PHLDB2: variants seen among roughly 807,000 people sequenced by gnomAD.
The protein encoded by PHLDB2 is pleckstrin homology-like domain family B member 2.
In PHLDB2, 71 loss-of-function variants were observed where a neutral mutation model predicts 123.6. That is an observed-to-expected ratio of 0.57 (90% CI 0.47 to 0.70). PHLDB2 has a LOEUF of 0.70. Ranked by LOEUF, PHLDB2 falls within the 30% of genes least tolerant of loss-of-function variation. The probability of loss-of-function intolerance (pLI) is 0.00; values close to 1 mark genes in which losing one functional copy is unlikely to be tolerated. For synonymous variants in PHLDB2, 547 were observed against 541.6 expected, an observed-to-expected ratio of 1.01 and a Z score of -0.14; for missense variants, 1,446 against 1,519.5, an observed-to-expected ratio of 0.95 and a Z score of 0.80.
Position 111,831,034 on chromosome 3 carries a change from G to GAAAGAAAGAAAGAAAGAAAGAAAGA in PHLDB2, c.-48-14785_-48-14784insAGAAAGAAAGAAAGAAAGAAAGAAA, listed in dbSNP as rs1559855393. ...GAAAGAAAGAAAGAAAGAAAGAAAG[G>GAAAGAAAGAAAGAAAGAAAGAAAGA]AAGGAAGGAAGAAAGAGAAAAGAGA... On this transcript the variant is annotated intron_variant, in intron 1 of 17. Coordinates refer to the PHLDB2 transcript ENST00000393923. Among the ~76,000 whole-genome samples the GAAAGAAAGAAAGAAAGAAAGAAAGA allele has an allele frequency of 3.0e-4, 14 of 46,172 alleles. 2 individuals are homozygous for GAAAGAAAGAAAGAAAGAAAGAAAGA. Among genetic ancestry groups the GAAAGAAAGAAAGAAAGAAAGAAAGA allele is most frequent in the East Asian group, 2.1e-3 (4 of 1,908 alleles). 30.3% of individuals were successfully genotyped at this position (46,172 alleles called of 152,430 possible).
At chr3:111,792,426 C>A (rs927357969) in intron 1 of PHLDB2, among the ~76,000 whole-genome samples, 1 of 152,262 alleles carries the variant, frequency 6.6e-6, no homozygotes, top group South Asian at 2.1e-4. Context: ...GATCTGAGCA[C>A]CAGGCATGGT....
intron 2 of PHLDB2, chr3:111,846,119 A>G (rs2063973137): frequency 1.7e-6 from 1 of 590,114 alleles, no homozygotes; most frequent in Non-Finnish European, 3.0e-6. Flanking sequence ...ACAGGCCACC[A>G]TATCTTACTT....
At chr3:111,859,884 T>C (rs2064726965) in intron 1 of PHLDB2, 1 of 982,568 alleles carries the variant, frequency 1.0e-6, no homozygotes, top group Non-Finnish European at 1.2e-6. Flanking sequence ...AGACGGTGAG[T>C]GGGCTCCGGG....
chr3:111,809,782 T>C (rs2108323770), intron 1 of PHLDB2, among the ~76,000 whole-genome samples: 1 of 152,350 alleles, frequency 6.6e-6, no homozygotes, highest in Middle Eastern at 3.4e-3. Flanking sequence ...CAGTCACTTG[T>C]AAAGGTTTGA....
At chr3:111,920,506 G>T (rs937551) in intron 5 of PHLDB2, 87 bp downstream of exon 5, 1,298,028 of 1,471,088 alleles carry the variant, frequency 0.88, 573,895 homozygotes, top group East Asian at 0.93. Flanking sequence ...TGCATTACTG[G>T]GGTTTTGGAT....
chr3:111,869,137 T>C (rs1039895910), intron 1 of PHLDB2, among the ~76,000 whole-genome samples: 4 of 152,172 alleles, frequency 2.6e-5, no homozygotes, highest in Admixed American at 2.0e-4. Flanking sequence ...TTTAGGAACC[T>C]TCGAATACCA....
intron 1 of PHLDB2, among the ~76,000 whole-genome samples, chr3:111,816,467 A>G (rs1367665781): frequency 6.6e-6 from 1 of 152,122 alleles, no homozygotes; most frequent in Non-Finnish European, 1.5e-5. Flanking sequence ...GTGAAAGGAG[A>G]TTATTTTGGA....
intron 13 of PHLDB2, among the ~76,000 whole-genome samples, chr3:111,963,654 C>G (rs1411654395): frequency 6.6e-6 from 1 of 152,158 alleles, no homozygotes; most frequent in African/African-American, 2.4e-5. Context: ...GTAATCCTAT[C>G]ATCCTACAAA....
At chr3:111,957,309 C>T (rs1426115374) in intron 12 of PHLDB2, 1 of 152,624 alleles carries the variant, frequency 6.6e-6, no homozygotes, top group Non-Finnish European at 1.5e-5. Flanking sequence ...AGGTCATTGT[C>T]AAGTCATGTT....
intron 1 of PHLDB2, among the ~76,000 whole-genome samples, chr3:111,736,153 A>ACAATAG (rs1941682478): frequency 6.6e-6 from 1 of 152,122 alleles, no homozygotes; most frequent in Non-Finnish European, 1.5e-5. Context: ...ATGCACACAC[A>ACAATAG]CAATAGCAAT....
chr3:111,768,481 G>T (rs2060119979), intron 1 of PHLDB2, among the ~76,000 whole-genome samples: 1 of 152,158 alleles, frequency 6.6e-6, no homozygotes, highest in Non-Finnish European at 1.5e-5. Flanking sequence ...ACTATGGCCT[G>T]CAGAGGAGCT....
chr3:111,814,812 C>T (rs1559845783), intron 1 of PHLDB2, among the ~76,000 whole-genome samples: 2 of 152,088 alleles, frequency 1.3e-5, no homozygotes, highest in African/African-American at 4.8e-5. Context: ...TAACAACCCA[C>T]TCTCTCAGAA....
Position 111,967,770 on chromosome 3 carries a change from G to C in PHLDB2, c.3261G>C (p.Gln1087His), listed in dbSNP as rs1449041701. 1 of 1,612,880 alleles carries C rather than the reference G, an allele frequency of 6.2e-7. No homozygotes were observed. The highest frequency in any genetic ancestry group is 1.3e-5 in the African/African-American group (1 of 74,792). The change falls in exon 15 of 18, where the codon CAG (glutamine) becomes CAC (histidine). Residue 1087 changes from glutamine (Q) to histidine (H), a missense_variant. Physicochemically the swap from Gln to His is conservative, Grantham distance 24. This residue lies in a region of PHLDB2 where 594 missense variants were observed against 646.0 expected (regional missense o/e 0.92). Transcript: ENST00000431670. ...AACGATTACAGGAAGAAACTAGCCA[G>C]AGGCAGAAGTTAATAGAAAAGGAAG... ...LEKRLQEETS[Q>H]RQKLIEKEVK...
chr3:111,882,174 T>C (rs1403928775), intron 1 of PHLDB2, among the ~76,000 whole-genome samples: 3 of 152,234 alleles, frequency 2.0e-5, no homozygotes, highest in Non-Finnish European at 4.4e-5. Context: ...ATTTGGCATT[T>C]ATGGTATTTT....
chr3:111,918,453 A>G (rs1019786646), intron 3 of PHLDB2, among the ~76,000 whole-genome samples: 1 of 152,250 alleles, frequency 6.6e-6, no homozygotes, highest in African/African-American at 2.4e-5. Context: ...AATTAATTTA[A>G]TACTGAGTGT....
upstream of PHLDB2, among the ~76,000 whole-genome samples, chr3:111,855,911 A>G (rs2671455): frequency 0.88 from 133,663 of 152,152 alleles, 60,293 homozygotes; most frequent in Non-Finnish European, 1. Context: ...GATTACAGGC[A>G]TGAGCCATTG....
intron 7 of PHLDB2, 63 bp from the exon 8 acceptor site, chr3:111,940,472 A>G (rs1186673217): frequency 1.7e-5 from 16 of 935,468 alleles, no homozygotes; most frequent in Non-Finnish European, 9.6e-6. Context: ...CTTTTCTAGG[A>G]CAGACTAGCA....
chr3:111,924,767 C>T (rs992881183), intron 5 of PHLDB2, among the ~76,000 whole-genome samples: 2 of 152,224 alleles, frequency 1.3e-5, no homozygotes, highest in South Asian at 2.1e-4. Flanking sequence ...ATTTTGGAGA[C>T]AAGGCCGGAG....
chr3:111,823,847 G>A (rs1231826272), intron 1 of PHLDB2, among the ~76,000 whole-genome samples: 1 of 152,180 alleles, frequency 6.6e-6, no homozygotes, highest in Admixed American at 6.5e-5. Context: ...CCCCTTGCCT[G>A]CATAGCACTG....
Sources: allele counts gnomAD v4.1 joint callset (sites outside exome capture counted in the v4.1 genomes callset), GRCh38; gene constraint gnomAD v4.1.1; regional missense constraint gnomAD v4.1.1; transcripts MANE v1.5; gene names NCBI Gene and HGNC (gene_info 2026-07-23, HGNC 2026-07-21).